The following CDC25A variants were observed in gnomAD, a reference collection of about 807,000 sequenced individuals.
CDC25A encodes cell division cycle 25A.
Under a neutral mutation model 64.6 loss-of-function variants are expected in CDC25A, and 17 were observed. The ratio of observed to expected loss-of-function variants is 0.26; its 90% CI spans 0.18 to 0.39. The LOEUF is 0.39. CDC25A is among the 10% of genes least tolerant of loss of function. The probability of loss-of-function intolerance (pLI) is 1.00; values close to 1 mark genes in which losing one functional copy is unlikely to be tolerated. For missense variants in CDC25A, 473 were observed against 654.8 expected, an observed-to-expected ratio of 0.72 and a Z score of 3.03; for synonymous variants, 229 against 238.6, an observed-to-expected ratio of 0.96 and a Z score of 0.37.
intron 8 of CDC25A, among the ~76,000 whole-genome samples, chr3:48,175,847 T>C (rs2032435447): frequency 1.3e-5 from 2 of 152,230 alleles, no homozygotes; most frequent in African/African-American, 4.8e-5. Context: ...TGCACATGAA[T>C]GTACTATAAT....
intron 8 of CDC25A, among the ~76,000 whole-genome samples, chr3:48,176,173 AAAAAC>A (rs1169077116): frequency 2.0e-5 from 3 of 152,202 alleles, no homozygotes; most frequent in Non-Finnish European, 4.4e-5. Flanking sequence ...ACTCTGTCTC[AAAAAC>A]AAAACAAAAC....
At chr3:48,186,268 T>C (rs2032839512) in intron 2 of CDC25A, among the ~76,000 whole-genome samples, 1 of 152,202 alleles carries the variant, frequency 6.6e-6, no homozygotes, top group East Asian at 1.9e-4. Context: ...CTCCTTTGTA[T>C]TGTTCTCAAT....
In CDC25A at chr3:48,158,846, T is replaced by C; in HGVS notation, c.*99A>G. The C allele has an allele frequency of 1.4e-6, 2 of 1,436,270 alleles. No individual in the cohort carries two copies. The highest frequency in any genetic ancestry group is 1.9e-6 in the Non-Finnish European group (2 of 1,055,664). 89.0% of individuals were successfully genotyped at this position (1,436,270 alleles called of 1,614,324 possible). A position where few individuals can be genotyped will look rare whatever the true frequency, so the allele number is the denominator to read the frequency against. On this transcript the variant is annotated 3_prime_UTR_variant, in exon 15 of 15. Transcript: ENST00000302506. ...GGAAGTCCCAGGCCCCCTCTCCAAA[T>C]GTCACACAGCTGTCCCCTTTGCTTA...
chr3:48,172,351 C>A (rs1292795154), intron 9 of CDC25A, among the ~76,000 whole-genome samples: 1 of 152,210 alleles, frequency 6.6e-6, no homozygotes, highest in Non-Finnish European at 1.5e-5. Context: ...ATCTCTCTAA[C>A]CTTTTAAGAC....
At chr3:48,170,831 T>C (rs1266991490) in intron 9 of CDC25A, among the ~76,000 whole-genome samples, 1 of 152,164 alleles carries the variant, frequency 6.6e-6, no homozygotes, top group African/African-American at 2.4e-5. Flanking sequence ...TTAGGAGTTA[T>C]ATGACAGAAG....
At chr3:48,185,750 G>A (rs1418326150) in intron 2 of CDC25A, among the ~76,000 whole-genome samples, 1 of 152,204 alleles carries the variant, frequency 6.6e-6, no homozygotes, top group Non-Finnish European at 1.5e-5. Context: ...ACACTGTTCA[G>A]CATTACTAAT....
chr3:48,165,405 G>A (rs1405047572), intron 12 of CDC25A, among the ~76,000 whole-genome samples: 1 of 118,412 alleles, frequency 8.4e-6, no homozygotes, highest in Non-Finnish European at 1.7e-5. Flanking sequence ...TAATGATGGT[G>A]TGAGGGACAA....
In CDC25A at chr3:48,158,805, G is replaced by A. The variant is rs2106673939; in HGVS notation, c.*140C>T. ...GGGCTCCAACCTTGGGAGTGTGGGA[G>A]GTAGGTTTAAGGCATGGAAGTCCCA... On this transcript the variant is annotated 3_prime_UTR_variant, in exon 15 of 15. Coordinates refer to ENST00000302506, the MANE Select transcript of CDC25A (RefSeq NM_001789.3). The A allele has an allele frequency of 9.9e-7, 1 of 1,013,442 alleles. No homozygotes were observed. Among genetic ancestry groups the A allele is most frequent in the Non-Finnish European group, 1.5e-6 (1 of 687,876 alleles). 62.8% of individuals were successfully genotyped at this position (1,013,442 alleles called of 1,614,324 possible). A position where few individuals can be genotyped will look rare whatever the true frequency, so the allele number is the denominator to read the frequency against.
chr3:48,165,347 C>G (rs2031962135), intron 12 of CDC25A, among the ~76,000 whole-genome samples: 1 of 151,972 alleles, frequency 6.6e-6, no homozygotes, highest in African/African-American at 2.4e-5. Flanking sequence ...CATTCTTGTC[C>G]CCCGAATGAC....
chr3:48,177,476 C>T (rs747614606), intron 7 of CDC25A, 34 bp from the exon 8 acceptor site: 3 of 1,503,272 alleles, frequency 2.0e-6, no homozygotes, highest in Non-Finnish European at 2.8e-6. Context: ...TTAAAAAGAG[C>T]CTGTAGAGAC....
In CDC25A at chr3:48,158,708, T is replaced by C. The variant is rs1461691956; in HGVS notation, c.*237A>G. ...GCTTGACACGGTGCTCAGAACTGCA[T>C]TGTGGCACAGTTCTGATATGGACGG... On this transcript the variant is annotated 3_prime_UTR_variant, in exon 15 of 15. Coordinates refer to ENST00000302506, the MANE Select transcript of CDC25A (RefSeq NM_001789.3). 1 of 479,636 alleles carries C rather than the reference T, an allele frequency of 2.1e-6. No homozygotes were observed. Among genetic ancestry groups the C allele is most frequent in the Non-Finnish European group, 3.8e-6 (1 of 265,250 alleles). 29.7% of individuals were successfully genotyped at this position (479,636 alleles called of 1,614,324 possible).
intron 9 of CDC25A, among the ~76,000 whole-genome samples, chr3:48,168,360 CCACACACACACACACACACACACACACA>C (rs58104019): frequency 1.9e-5 from 2 of 106,538 alleles, no homozygotes; most frequent in Non-Finnish European, 3.7e-5. Context: ...AAGACCCTGT[CCACACACACACACACACACACACACACA>C]CACACACACA....
At chr3:48,168,239 C>G (rs1046355440) in intron 9 of CDC25A, among the ~76,000 whole-genome samples, 1 of 150,260 alleles carries the variant, frequency 6.7e-6, no homozygotes, top group Non-Finnish European at 1.5e-5. Flanking sequence ...GTAATCCCAG[C>G]ACTTTGGGAG....
chr3:48,186,099 A>G (rs2032833649), intron 2 of CDC25A, among the ~76,000 whole-genome samples: 1 of 152,174 alleles, frequency 6.6e-6, no homozygotes, highest in Admixed American at 6.5e-5. Flanking sequence ...TGTACTTCCA[A>G]TCATTTGATC....
intron 8 of CDC25A, among the ~76,000 whole-genome samples, chr3:48,176,387 ATGTGTATGTGTG>A (rs2032456700): frequency 6.6e-6 from 1 of 151,804 alleles, no homozygotes; most frequent in African/African-American, 2.4e-5. Flanking sequence ...AATCTATAGC[ATGTGTATGTGTG>A]TGTATATATA....
chr3:48,182,967 T>C lies in CDC25A; in HGVS notation c.391A>G (p.Ile131Val), dbSNP rs149186214. 5.1e-4 allele frequency: 829 copies of C among 1,613,518 alleles called. No individual in the cohort carries two copies. The highest frequency in any genetic ancestry group is 1.2e-3 in the Middle Eastern group (7 of 6,084). Residue 131 changes from isoleucine (I) to valine (V), a missense_variant, in exon 5 of 15, where the codon ATC becomes GTC. Ile to Val is a conservative substitution (Grantham distance 29, BLOSUM62 3). This residue lies in a region of CDC25A where 376 missense variants were observed against 431.9 expected (regional missense o/e 0.87). Transcript: ENST00000302506. ...TCATCTGGGTCGATGAGCTGAAAGA[T>C]GTCATGGTCAAGAGAATCAGAATGG... Reference protein sequence around the residue: ...RSHSDSLDHDIFQLIDPDENK... With the variant: ...RSHSDSLDHDVFQLIDPDENK...
chr3:48,184,501 C>A (rs3731501), intron 3 of CDC25A, 152 bp downstream of exon 3: 2 of 639,492 alleles, frequency 3.1e-6, no homozygotes, highest in Admixed American at 7.0e-5. Flanking sequence ...ATTGCTGACA[C>A]AAACTATTCA....
In CDC25A at chr3:48,159,544, TC is replaced by T. The variant is rs549405660; in HGVS notation, c.1323-90del. The T allele has an allele frequency of 4.5e-5, 37 of 829,296 alleles. No homozygotes were observed. In the South Asian group the frequency reaches 5.3e-4, roughly 12 times the overall value. 51.4% of individuals were successfully genotyped at this position (829,296 alleles called of 1,614,324 possible). On this transcript the variant is annotated intron_variant, in intron 13 of 14. Transcript: ENST00000302506. The stretch of plus-strand genomic sequence containing the variant: ...GTCAAAGCAGCAGTTGTGGTCTAAG[TC>T]CCCCTTATACACATCTTCCCAACTT...
Position 48,166,921 on chromosome 3 carries a change from C to A in CDC25A, c.1029+925G>T, listed in dbSNP as rs541506872. 2.0e-5 allele frequency among the ~76,000 whole-genome samples: 3 copies of A among 152,278 alleles called. No homozygotes were observed. The South Asian group carries it at 6.2e-4, about 32-fold the overall frequency. On this transcript the variant is annotated intron_variant, in intron 10 of 14. Transcript: ENST00000302506. Reference sequence around the variant, plus strand: ...CATAGTAAGACCACATCTCTCCCTGCCAAACAAGAGAAGGTTCCAAAACTG... The same window carrying A: ...CATAGTAAGACCACATCTCTCCCTGACAAACAAGAGAAGGTTCCAAAACTG...
Sources: gnomAD v4.1 joint callset for allele counts (sites outside exome capture counted in the v4.1 genomes callset) on GRCh38, gnomAD v4.1.1 for gene constraint, gnomAD v4.1.1 regional missense constraint, MANE v1.5 for transcripts, NCBI Gene and HGNC (gene_info 2026-07-23, HGNC 2026-07-21) for gene names.